The following RIN3 variants were observed in gnomAD, a reference collection of about 807,000 sequenced individuals.
RIN3 encodes the protein Ras and Rab interactor 3.
Under a neutral mutation model 76.3 loss-of-function variants are expected in RIN3, and 54 were observed. The observed-to-expected ratio is 0.71, with a 90% CI of 0.57 to 0.89. The LOEUF is 0.89. Ranked by LOEUF, RIN3 falls within the 40% of genes least tolerant of loss-of-function variation. The probability of loss-of-function intolerance (pLI) is 0.00; values close to 1 mark genes in which losing one functional copy is unlikely to be tolerated. For missense variants in RIN3, 1,256 were observed against 1,322.1 expected (o/e 0.95, Z 0.78); for synonymous variants, 576 against 564.0 (o/e 1.02, Z -0.30).
At position 92,681,004 on chromosome 14, in the gene RIN3, A is replaced by T. The variant is rs2140174626; in HGVS notation, c.2468-3983A>T. Among the ~76,000 whole-genome samples, 1 of 151,904 alleles carries T rather than the reference A, an allele frequency of 6.6e-6. No individual in the cohort carries two copies. Among genetic ancestry groups the T allele is most frequent in the East Asian group, 1.9e-4 (1 of 5,152 alleles). Reference sequence around the variant, plus strand: ...TGTGAAGTCATGGGACAGACAGGTGACCCAGGCAGCTGCTGGGCACCTTGC... The same window carrying T: ...TGTGAAGTCATGGGACAGACAGGTGTCCCAGGCAGCTGCTGGGCACCTTGC... On this transcript the variant is annotated intron_variant, in intron 8 of 9. Transcript: ENST00000216487. The surrounding 1 kb of genome is among the most constrained non-coding windows in gnomAD (Gnocchi z 4.7).
At chr14:92,641,880 T>C (rs1256478799) in intron 5 of RIN3, among the ~76,000 whole-genome samples, 2 of 152,098 alleles carry the variant, frequency 1.3e-5, no homozygotes, top group African/African-American at 4.8e-5. Context: ...CACTTTCACA[T>C]AATTATAGAA....
chr14:92,520,742 G>A (rs185901073), intron 1 of RIN3, among the ~76,000 whole-genome samples: 145 of 152,250 alleles, frequency 9.5e-4, no homozygotes, highest in African/African-American at 3.4e-3. Context: ...GAAATAAAGG[G>A]CTTTGCATCT....
In RIN3 at chr14:92,676,549, C is replaced by T. The variant is rs771425593; in HGVS notation, c.2410C>T (p.Leu804Phe). ...VLARSNLTEM[L>F]LNVEYMMELM... ...GGCCCGCAGCAACCTCACGGAGATG[C>T]TTCTCAATGTGGAGTACATGATGGA... The change falls in exon 8 of 10, where the codon CTT (leucine) becomes TTT (phenylalanine). Residue 804 changes from leucine (L) to phenylalanine (F), a missense_variant. Leu to Phe is a conservative substitution (Grantham distance 22). Coordinates refer to ENST00000216487, the MANE Select transcript of RIN3 (RefSeq NM_024832.5). 1.9e-6 allele frequency: 3 copies of T among 1,614,146 alleles called. No individual in the cohort carries two copies. The highest frequency in any genetic ancestry group is 1.7e-6 in the Non-Finnish European group (2 of 1,180,020).
Position 92,561,042 on chromosome 14 carries a change from A to ATATATATATATATAT in RIN3, c.249+5087_249+5088insTATATATATATATAT, listed in dbSNP as rs1461986249. On this transcript the variant is annotated intron_variant, in intron 2 of 9. Coordinates refer to ENST00000216487, the MANE Select transcript of RIN3 (RefSeq NM_024832.5). The stretch of plus-strand genomic sequence containing the variant: ...GTCTAAAAAAAAAAAAAAAAAAAAA[A>ATATATATATATATAT]AAATATATATATATCTGCCATATAT... Among the ~76,000 whole-genome samples the ATATATATATATATAT allele has an allele frequency of 8.3e-4, 16 of 19,368 alleles. 1 individual carries two copies. Among genetic ancestry groups the ATATATATATATATAT allele is most frequent in the African/African-American group, 2.0e-3 (12 of 5,984 alleles). The allele number at this position is 19,368 out of a possible 152,430, so 12.7% of individuals were successfully genotyped here. A position where few individuals can be genotyped will look rare whatever the true frequency, so the allele number is the denominator to read the frequency against.
chr14:92,587,771 C>T (rs151322276), intron 3 of RIN3, among the ~76,000 whole-genome samples: 6 of 152,136 alleles, frequency 3.9e-5, no homozygotes, highest in African/African-American at 1.4e-4. Flanking sequence ...CCTGGGCTTC[C>T]TGTCACAGGA....
chr14:92,610,858 C>T (rs572714518), intron 3 of RIN3, among the ~76,000 whole-genome samples: 3 of 152,304 alleles, frequency 2.0e-5, no homozygotes, highest in South Asian at 2.1e-4. Flanking sequence ...TCCCTGCACC[C>T]CTGCCTCACA....
chr14:92,594,816 G>A (rs1019302577), intron 3 of RIN3, among the ~76,000 whole-genome samples: 9 of 152,200 alleles, frequency 5.9e-5, no homozygotes, highest in African/African-American at 1.7e-4. Context: ...ACATGATGGG[G>A]TCTCATGTCT....
At chr14:92,518,834 A>C (rs999457512) in intron 1 of RIN3, among the ~76,000 whole-genome samples, 2 of 70,128 alleles carry the variant, frequency 2.9e-5, no homozygotes, top group Non-Finnish European at 5.9e-5. Context: ...TGTCAGCATC[A>C]GTGTCAGCCA....
At chr14:92,630,295 C>T (rs1886527108) in intron 4 of RIN3, among the ~76,000 whole-genome samples, 1 of 152,118 alleles carries the variant, frequency 6.6e-6, no homozygotes, top group Non-Finnish European at 1.5e-5. Flanking sequence ...GTTCTCAAGA[C>T]CAGCCTGGGC....
At chr14:92,664,352 C>T (rs1437397824) in intron 7 of RIN3, among the ~76,000 whole-genome samples, 2 of 124,994 alleles carry the variant, frequency 1.6e-5, no homozygotes, top group Admixed American at 8.6e-5. Context: ...TCATCATTTT[C>T]TTTCTTTCTT....
At chr14:92,616,190 C>T (rs1476395186) in intron 4 of RIN3, among the ~76,000 whole-genome samples, 3 of 152,040 alleles carry the variant, frequency 2.0e-5, no homozygotes, top group Non-Finnish European at 2.9e-5. Context: ...GGAGGGTGTC[C>T]GGGTTCTTGG....
At chr14:92,576,516 C>A in intron 2 of RIN3, 2 of 780,516 alleles carry the variant, frequency 2.6e-6, no homozygotes, top group Non-Finnish European at 1.9e-6. Flanking sequence ...GGCCTCATGG[C>A]ATGGAGGTCC....
chr14:92,518,469 C>A (rs1259113691), intron 1 of RIN3, among the ~76,000 whole-genome samples: 1 of 152,152 alleles, frequency 6.6e-6, no homozygotes, highest in Non-Finnish European at 1.5e-5. Flanking sequence ...GCTAGGAGCC[C>A]AACTCCATTC....
rs1360282147 is a variant in RIN3 at position 92,652,049 on chromosome 14, A to G, written c.1000A>G (p.Asn334Asp). ...PHAPGPPDHP[N>D]QPPMMTCERL... is the part of the protein sequence containing the mutation. ...TGCCCCAGGTCCCCCAGACCATCCG[A>G]ACCAGCCGCCCATGATGACCTGCGA... Residue 334 changes from asparagine to aspartate, a missense_variant, in exon 6 of 10, where the codon AAC becomes GAC. Physicochemically the swap from Asn to Asp is conservative, Grantham distance 23 (BLOSUM62 1). This residue lies in a region of RIN3 where 610 missense variants were observed against 626.4 expected (regional missense o/e 0.97). Coordinates refer to ENST00000216487, the MANE Select transcript of RIN3 (RefSeq NM_024832.5). This position sits in a 1 kb window ranked among gnomAD's most constrained non-coding sequence, Gnocchi z 6.4. The G allele has an allele frequency of 9.7e-6, 15 of 1,548,552 alleles. No individual in the cohort carries two copies. The highest frequency in any genetic ancestry group is 1.3e-5 in the Non-Finnish European group (15 of 1,151,756).
At chr14:92,585,565 C>T (rs1884741341) in intron 3 of RIN3, among the ~76,000 whole-genome samples, 1 of 152,222 alleles carries the variant, frequency 6.6e-6, no homozygotes, top group African/African-American at 2.4e-5. Flanking sequence ...AAGCACATGC[C>T]TTAGAGTGGG....
intron 8 of RIN3, among the ~76,000 whole-genome samples, chr14:92,678,451 AC>A (rs1284351921): frequency 8.6e-5 from 12 of 139,894 alleles, no homozygotes; most frequent in African/African-American, 3.3e-4. Context: ...ATATCCATAT[AC>A]CCACCCACCT....
At chr14:92,630,510 G>A (rs1886537437) in intron 4 of RIN3, among the ~76,000 whole-genome samples, 1 of 152,158 alleles carries the variant, frequency 6.6e-6, no homozygotes, top group South Asian at 2.1e-4. Flanking sequence ...ACAGCACCCT[G>A]CCCCCACACC....
At chr14:92,526,240 G>C (rs1459503906) in intron 1 of RIN3, among the ~76,000 whole-genome samples, 5 of 152,180 alleles carry the variant, frequency 3.3e-5, no homozygotes, top group African/African-American at 1.2e-4. Flanking sequence ...TGGATCACTT[G>C]AGCTCAGGAG....
chr14:92,582,704 G>A (rs1000525447), intron 3 of RIN3, among the ~76,000 whole-genome samples: 2 of 152,036 alleles, frequency 1.3e-5, no homozygotes, highest in Non-Finnish European at 2.9e-5. Context: ...CTGCCTGCCT[G>A]AGCCTCCCAA....
Sources: allele counts gnomAD v4.1 joint callset (sites outside exome capture counted in the v4.1 genomes callset), GRCh38; gene constraint gnomAD v4.1.1; regional missense constraint gnomAD v4.1.1; non-coding constraint Gnocchi (gnomAD v3.1); transcripts MANE v1.5; gene names NCBI Gene and HGNC (gene_info 2026-07-23, HGNC 2026-07-21).